Variants in BAALC observed in about 807,000 individuals in gnomAD.
The protein encoded by BAALC is brain and acute leukemia cytoplasmic protein.
In BAALC, 9 loss-of-function variants were observed where a neutral mutation model predicts 15.5. The ratio of observed to expected loss-of-function variants is 0.58; its 90% CI spans 0.35 to 1.02. The LOEUF is 1.02. Among genes scored for constraint, BAALC ranks in the 50% least tolerant of loss-of-function variants. The probability of loss-of-function intolerance (pLI) is 0.02; values close to 1 mark genes in which losing one functional copy is unlikely to be tolerated. For synonymous variants in BAALC, 80 were observed against 74.6 expected (o/e 1.07, Z -0.37); for missense variants, 201 against 192.4 (o/e 1.04, Z -0.27).
chr8:103,181,530 C>T (rs1050897715), intron 1 of BAALC, among the ~76,000 whole-genome samples: 4 of 152,120 alleles, frequency 2.6e-5, no homozygotes, highest in Non-Finnish European at 5.9e-5. Context: ...CCTTGGCCTC[C>T]CAAAGTGCTG....
chr8:103,190,159 G>A (rs1811933204), intron 1 of BAALC, among the ~76,000 whole-genome samples: 1 of 152,184 alleles, frequency 6.6e-6, no homozygotes, highest in Non-Finnish European at 1.5e-5. Flanking sequence ...GGCAGAGTCA[G>A]GAAGGGGAAC....
chr8:103,160,337 T>C (rs915335897), intron 1 of BAALC, among the ~76,000 whole-genome samples: 1 of 152,136 alleles, frequency 6.6e-6, no homozygotes, highest in Non-Finnish European at 1.5e-5. Context: ...CCTATGTAAA[T>C]GGAGAGGATG....
At chr8:103,182,294 A>G (rs1373593544) in intron 1 of BAALC, among the ~76,000 whole-genome samples, 1 of 151,626 alleles carries the variant, frequency 6.6e-6, no homozygotes, top group East Asian at 1.9e-4. Context: ...TTGAACATTT[A>G]CTCCCCTTTG....
chr8:103,148,472 C>T (rs1810919433), intron 1 of BAALC, among the ~76,000 whole-genome samples: 1 of 152,190 alleles, frequency 6.6e-6, no homozygotes, highest in Admixed American at 6.5e-5. Flanking sequence ...GTGAAATAAG[C>T]ACATCATGGA....
chr8:103,207,087 AC>A (rs1812347773), intron 1 of BAALC, among the ~76,000 whole-genome samples: 2 of 152,158 alleles, frequency 1.3e-5, no homozygotes, highest in Non-Finnish European at 2.9e-5. Context: ...CATCCACCAC[AC>A]CTGGGGATGG....
intron 1 of BAALC, among the ~76,000 whole-genome samples, chr8:103,182,228 G>C (rs373756423): frequency 1.3e-5 from 2 of 152,202 alleles, no homozygotes; most frequent in South Asian, 4.1e-4. Context: ...GCTCCAGCCA[G>C]CTCCCTTCCC....
chr8:103,201,303 C>G (rs1812210712), intron 1 of BAALC, among the ~76,000 whole-genome samples: 1 of 152,162 alleles, frequency 6.6e-6, no homozygotes, highest in African/African-American at 2.4e-5. Flanking sequence ...ATTCTGAGGA[C>G]CACCCCTCAT....
At chr8:103,202,638 G>T (rs2130035982) in intron 1 of BAALC, among the ~76,000 whole-genome samples, 1 of 152,336 alleles carries the variant, frequency 6.6e-6, no homozygotes, top group South Asian at 2.1e-4. Context: ...TGAGCAATTT[G>T]GGAGGAAGGC....
intron 1 of BAALC, chr8:103,166,020 A>C (rs1165565627): frequency 1.3e-5 from 2 of 152,396 alleles, no homozygotes. Flanking sequence ...GAATTGTATA[A>C]GTGCAACTCC....
intron 1 of BAALC, among the ~76,000 whole-genome samples, chr8:103,148,319 A>G (rs1401180764): frequency 6.6e-6 from 1 of 152,216 alleles, no homozygotes; most frequent in East Asian, 1.9e-4. Context: ...AAGCTCAGAG[A>G]GAGGCAGGGG....
intron 1 of BAALC, among the ~76,000 whole-genome samples, chr8:103,157,983 T>C (rs1460024854): frequency 6.6e-6 from 1 of 152,218 alleles, no homozygotes; most frequent in Non-Finnish European, 1.5e-5. Flanking sequence ...AATTCTCTAA[T>C]GTAATAAAAA....
At chr8:103,169,428 T>C (rs1811427876) in intron 1 of BAALC, among the ~76,000 whole-genome samples, 1 of 152,216 alleles carries the variant, frequency 6.6e-6, no homozygotes, top group Admixed American at 6.5e-5. Flanking sequence ...GTTTCGTGGC[T>C]TTCCTCTAAT....
At chr8:103,176,237 G>GCA (rs1195373947) in intron 1 of BAALC, among the ~76,000 whole-genome samples, 1 of 151,904 alleles carries the variant, frequency 6.6e-6, no homozygotes, top group African/African-American at 2.4e-5. Flanking sequence ...ACGCATACAT[G>GCA]CACACACACA....
intron 1 of BAALC, among the ~76,000 whole-genome samples, chr8:103,187,506 A>T (rs979634625): frequency 3.9e-5 from 6 of 152,220 alleles, no homozygotes; most frequent in Non-Finnish European, 8.8e-5. Flanking sequence ...ACAGAGTTGC[A>T]TTGTAAAGCA....
At chr8:103,155,497 T>A (rs2129882610) in intron 1 of BAALC, among the ~76,000 whole-genome samples, 1 of 152,266 alleles carries the variant, frequency 6.6e-6, no homozygotes, top group South Asian at 2.1e-4. Flanking sequence ...TTACCCTGTA[T>A]CGGCCAGGCG....
At chr8:103,179,878 C>T (rs1210412338) in intron 1 of BAALC, among the ~76,000 whole-genome samples, 1 of 152,186 alleles carries the variant, frequency 6.6e-6, no homozygotes, top group Non-Finnish European at 1.5e-5. Flanking sequence ...CTTAGAGTCT[C>T]AGGGATAAGC....
intron 1 of BAALC, among the ~76,000 whole-genome samples, chr8:103,146,803 G>C (rs568398971): frequency 6.6e-6 from 1 of 152,298 alleles, no homozygotes; most frequent in Admixed American, 6.5e-5. Context: ...ATCACTGCAA[G>C]AGACAAGTGG....
In BAALC at chr8:103,159,844, A is replaced by T. The variant is rs574121418; in HGVS notation, c.160+18787A>T. The stretch of plus-strand genomic sequence containing the variant: ...TTCTCTAAGGAGCCCTGGTTCCTCT[A>T]ACTGAAGTACTATACTTAGAGCCTA... On this transcript the variant is annotated intron_variant, in intron 1 of 2. Coordinates refer to ENST00000309982, the MANE Select transcript of BAALC (RefSeq NM_024812.3). 2.6e-5 allele frequency among the ~76,000 whole-genome samples: 4 copies of T among 152,186 alleles called. No homozygotes were observed. In the East Asian group the frequency reaches 7.7e-4, roughly 29 times the overall value.
At chr8:103,222,632 C>T (rs1443043220) in intron 2 of BAALC, among the ~76,000 whole-genome samples, 3 of 152,192 alleles carry the variant, frequency 2.0e-5, no homozygotes, top group African/African-American at 7.2e-5. Context: ...AATTCAAAAG[C>T]TTCTCTTTCA....
Sources: allele counts gnomAD v4.1 joint callset (sites outside exome capture counted in the v4.1 genomes callset), GRCh38; gene constraint gnomAD v4.1.1; transcripts MANE v1.5; gene names NCBI Gene and HGNC (gene_info 2026-07-23, HGNC 2026-07-21).